THRB: variants seen among roughly 807,000 people sequenced by gnomAD.
THRB encodes thyroid hormone receptor beta, also known as nuclear receptor subfamily 1 group A member 2.
A neutral mutation model predicts 47.8 loss-of-function variants in THRB; 12 were observed. That is an observed-to-expected ratio of 0.25 (90% CI 0.16 to 0.41). The LOEUF (loss-of-function observed/expected upper bound fraction) is 0.41. Among genes scored for constraint, THRB ranks in the 10% least tolerant of loss-of-function variants. THRB has a pLI of 1.00. For missense variants in THRB, 348 were observed against 589.2 expected (o/e 0.59, Z 4.24); for synonymous variants, 218 against 212.2 (o/e 1.03, Z -0.24).
At chr3:24,227,051 G>A (rs937129355) in intron 4 of THRB, among the ~76,000 whole-genome samples, 2 of 152,196 alleles carry the variant, frequency 1.3e-5, no homozygotes, top group African/African-American at 4.8e-5. Flanking sequence ...AGCAAGCGAA[G>A]ACCATTTTAT....
At chr3:24,407,278 T>C (rs1385749367) in intron 1 of THRB, among the ~76,000 whole-genome samples, 1 of 151,830 alleles carries the variant, frequency 6.6e-6, no homozygotes, top group Non-Finnish European at 1.5e-5. Context: ...TTTCTGTTTA[T>C]GAATTCCGCA....
chr3:24,222,091 C>A lies in THRB; in HGVS notation c.22+6847G>T, dbSNP rs79722341. ...TTTAAAGAAAAAGGTGATGTATTAG[C>A]TGCACAGAAATTCTTCCTGGTGGTC... On this transcript the variant is annotated intron_variant, in intron 4 of 10. Coordinates refer to ENST00000646209, the MANE Select transcript of THRB (RefSeq NM_001354712.2). Among the ~76,000 whole-genome samples the A allele has an allele frequency of 9.3e-3, 1,414 of 152,254 alleles. 21 individuals are homozygous for A. The highest frequency in any genetic ancestry group is 0.032 in the African/African-American group (1,331 of 41,550).
intron 1 of THRB, among the ~76,000 whole-genome samples, chr3:24,381,393 A>G (rs892482536): frequency 1.3e-5 from 2 of 152,258 alleles, no homozygotes; most frequent in South Asian, 4.1e-4. Context: ...TGCAATCCAG[A>G]GGGCAGGACT....
At chr3:24,393,938 A>G (rs753676500) in intron 1 of THRB, among the ~76,000 whole-genome samples, 7 of 152,134 alleles carry the variant, frequency 4.6e-5, no homozygotes, top group Non-Finnish European at 8.8e-5. Context: ...CTCCTTTGGT[A>G]TTGAAAGGGA....
At chr3:24,277,123 T>A (rs943978448) in intron 3 of THRB, among the ~76,000 whole-genome samples, 2 of 152,164 alleles carry the variant, frequency 1.3e-5, no homozygotes, top group African/African-American at 4.8e-5. Context: ...TGTGTCAGGG[T>A]TGGAAGTTGG....
intron 1 of THRB, among the ~76,000 whole-genome samples, chr3:24,443,511 A>AT (rs1221613388): frequency 1.3e-5 from 2 of 152,232 alleles, no homozygotes; most frequent in East Asian, 3.8e-4. Context: ...ATAAGATAGC[A>AT]TAAAAATTCA....
intron 4 of THRB, among the ~76,000 whole-genome samples, chr3:24,227,477 A>G (rs1374911390): frequency 6.6e-6 from 1 of 152,134 alleles, no homozygotes; most frequent in African/African-American, 2.4e-5. Flanking sequence ...GTGCCTGTTG[A>G]TGTGAAATAA....
chr3:24,133,300 A>G lies in THRB; in HGVS notation c.885+16T>C. 1.2e-6 allele frequency: 2 copies of G among 1,613,944 alleles called. No homozygotes were observed. Among genetic ancestry groups the G allele is most frequent in the Non-Finnish European group, 1.7e-6 (2 of 1,179,826 alleles). ...TATAATTAAGAATAATGCAGAAGGA[A>G]AAACAACATCCTCACCTCACAAAAC... On this transcript the variant is annotated intron_variant, in intron 9 of 10. Transcript: ENST00000646209.
chr3:24,429,061 A>C (rs1283294092), intron 1 of THRB, among the ~76,000 whole-genome samples: 2 of 151,828 alleles, frequency 1.3e-5, no homozygotes, highest in African/African-American at 4.8e-5. Context: ...TGAGGGGAGA[A>C]ACGTAGGTTT....
At chr3:24,190,456 C>A in intron 4 of THRB, 122 bp from the exon 5 acceptor site, 1 of 1,243,274 alleles carries the variant, frequency 8.0e-7, no homozygotes, top group Admixed American at 1.7e-5. Context: ...TCACATGCCA[C>A]TTGACGGGAG....
chr3:24,402,499 CT>C (rs60751951), intron 1 of THRB, among the ~76,000 whole-genome samples: 45 of 134,772 alleles, frequency 3.3e-4, no homozygotes, highest in African/African-American at 1.0e-3. Flanking sequence ...TTCTTTCTTC[CT>C]TTTTTTTTTT....
chr3:24,219,742 A>G (rs1443351498), intron 4 of THRB, among the ~76,000 whole-genome samples: 1 of 152,256 alleles, frequency 6.6e-6, no homozygotes, highest in Non-Finnish European at 1.5e-5. Context: ...GTGATTCTCA[A>G]ACTTCTGTGT....
At chr3:24,207,093 T>G (rs2045459500) in intron 4 of THRB, among the ~76,000 whole-genome samples, 1 of 152,182 alleles carries the variant, frequency 6.6e-6, no homozygotes, top group Non-Finnish European at 1.5e-5. Context: ...CCATTCCTTC[T>G]GAAACTATTC....
intron 1 of THRB, among the ~76,000 whole-genome samples, chr3:24,341,212 AC>A (rs2062625435): frequency 1.4e-5 from 1 of 72,642 alleles, no homozygotes; most frequent in South Asian, 4.4e-4. Flanking sequence ...CTGTGGTAAA[AC>A]AATTAACATG....
At chr3:24,263,584 G>C (rs2052318148) in intron 3 of THRB, among the ~76,000 whole-genome samples, 1 of 149,952 alleles carries the variant, frequency 6.7e-6, no homozygotes. Context: ...TGACACACTA[G>C]ATAGTAAACT....
chr3:24,159,875 T>C (rs1388124135), intron 5 of THRB, among the ~76,000 whole-genome samples: 17 of 152,164 alleles, frequency 1.1e-4, no homozygotes, highest in Non-Finnish European at 2.2e-4. Context: ...CCAATGTCAA[T>C]AGTGCCAAGG....
intron 4 of THRB, among the ~76,000 whole-genome samples, chr3:24,227,112 C>CT (rs34455182): frequency 0.11 from 15,991 of 152,198 alleles, 894 homozygotes; most frequent in Non-Finnish European, 0.12. Context: ...GGGGTATGTT[C>CT]TTTGAGTCCA....
In THRB at chr3:24,334,251, A is replaced by G. The variant is rs546798248; in HGVS notation, c.-189+3049T>C. On this transcript the variant is annotated intron_variant, in intron 2 of 10. Coordinates refer to ENST00000646209, the MANE Select transcript of THRB (RefSeq NM_001354712.2). ...TTGAAAGCAAAAAGACTGAATTCAC[A>G]AGTAGCCTGTTTGACAGGTACCACT... is the stretch of plus-strand genomic sequence containing the variant. Among the ~76,000 whole-genome samples the G allele has an allele frequency of 2.6e-5, 4 of 152,272 alleles. No homozygotes were observed. The East Asian group carries it at 7.7e-4, about 29-fold the overall frequency.
intron 1 of THRB, among the ~76,000 whole-genome samples, chr3:24,355,297 A>G (rs1223166152): frequency 6.6e-6 from 1 of 152,158 alleles, no homozygotes; most frequent in Non-Finnish European, 1.5e-5. Context: ...CTCCAAAAAT[A>G]CCAAGGTCAG....
Sources: allele counts gnomAD v4.1 joint callset (sites outside exome capture counted in the v4.1 genomes callset), GRCh38; gene constraint gnomAD v4.1.1; transcripts MANE v1.5; gene names NCBI Gene and HGNC (gene_info 2026-07-23, HGNC 2026-07-21).